Variants in DPH6 observed in about 807,000 individuals in gnomAD.
The protein encoded by DPH6 is diphthamine biosynthesis 6, also known as diphthine--ammonia ligase.
In DPH6, 33 loss-of-function variants were observed where a neutral mutation model predicts 38.2. The ratio of observed to expected loss-of-function variants is 0.86; its 90% CI spans 0.65 to 1.15. The LOEUF is 1.15. DPH6 is among the 50% of genes most tolerant of loss of function. DPH6 has a pLI of 0.00. For synonymous variants in DPH6, 108 were observed against 103.0 expected, an observed-to-expected ratio of 1.05 and a Z score of -0.30; for missense variants, 325 against 320.0, an observed-to-expected ratio of 1.02 and a Z score of -0.12.
intron 3 of DPH6, among the ~76,000 whole-genome samples, chr15:35,231,377 C>T (rs545468514): frequency 2.4e-4 from 37 of 152,316 alleles, no homozygotes; most frequent in African/African-American, 8.2e-4. Flanking sequence ...CTGCTGCTTC[C>T]GGGAAATGGA....
chr15:35,296,832 C>G (rs2052019181), intron 3 of DPH6, among the ~76,000 whole-genome samples: 1 of 91,460 alleles, frequency 1.1e-5, no homozygotes, highest in South Asian at 3.7e-4. Flanking sequence ...GAGTCTCGCT[C>G]TGTCGCCCAG....
At chr15:35,159,935 A>C in the DPH6 span, among the ~76,000 whole-genome samples, 5 of 152,054 alleles carry the variant, frequency 3.3e-5, 1 homozygote, top group Admixed American at 3.3e-4. Flanking sequence ...TATCCTAAGC[A>C]AACTAATGTA....
intron 3 of DPH6, among the ~76,000 whole-genome samples, chr15:35,276,539 T>C (rs1176188410): frequency 6.6e-6 from 1 of 152,224 alleles, no homozygotes; most frequent in African/African-American, 2.4e-5. Context: ...TTTTCTGATA[T>C]TGTCTTCTAG....
At chr15:35,327,189 T>G (rs1030017961), downstream of DPH6, among the ~76,000 whole-genome samples, 8 of 152,220 alleles carry the variant, frequency 5.3e-5, no homozygotes, top group South Asian at 4.1e-4. Context: ...ATGTGTAATG[T>G]TGCAAGCTTT....
At chr15:35,377,871 T>C (rs1186637110) in intron 7 of DPH6, among the ~76,000 whole-genome samples, 1 of 151,844 alleles carries the variant, frequency 6.6e-6, no homozygotes, top group Non-Finnish European at 1.5e-5. Flanking sequence ...TTGTTATTCA[T>C]ATTGTTTTTT....
chr15:35,195,674 T>A, the DPH6 span, among the ~76,000 whole-genome samples: 1 of 152,130 alleles, frequency 6.6e-6, no homozygotes, highest in South Asian at 2.1e-4. Context: ...AAAACTATCC[T>A]CCAGGTTGGT....
intron 3 of DPH6, among the ~76,000 whole-genome samples, chr15:35,341,813 C>A (rs183725418): frequency 6.6e-6 from 1 of 152,196 alleles, no homozygotes; most frequent in Admixed American, 6.5e-5. Context: ...CTGGAGATCC[C>A]TTTTGGGAGG....
chr15:35,231,312 T>A (rs1057067845), intron 3 of DPH6, among the ~76,000 whole-genome samples: 1 of 152,214 alleles, frequency 6.6e-6, no homozygotes, highest in African/African-American at 2.4e-5. Context: ...GTTCAATGCC[T>A]TACAATTGCT....
chr15:35,526,085 CA>C (rs988919777), intron 3 of DPH6, among the ~76,000 whole-genome samples: 7 of 152,096 alleles, frequency 4.6e-5, no homozygotes, highest in Middle Eastern at 3.2e-3. Flanking sequence ...AAATGGCTAT[CA>C]GGCCAATAAA....
chr15:35,177,745 G>C, the DPH6 span, among the ~76,000 whole-genome samples: 45 of 151,796 alleles, frequency 3.0e-4, no homozygotes, highest in South Asian at 9.0e-3. Flanking sequence ...TTCGAGACCA[G>C]CTTGACCAAC....
chr15:35,511,486 TA>T (rs2054770626), intron 3 of DPH6, among the ~76,000 whole-genome samples: 1 of 151,910 alleles, frequency 6.6e-6, no homozygotes, highest in African/African-American at 2.4e-5. Context: ...GGAAAAAGAA[TA>T]GGGGGAGAAT....
intron 3 of DPH6, among the ~76,000 whole-genome samples, chr15:35,460,691 A>G (rs2054054704): frequency 6.6e-6 from 1 of 152,216 alleles, no homozygotes; most frequent in Non-Finnish European, 1.5e-5. Context: ...GGACATTAAC[A>G]GATTCTTACA....
intron 3 of DPH6, among the ~76,000 whole-genome samples, chr15:35,249,524 G>A (rs898436552): frequency 7.2e-5 from 11 of 151,962 alleles, no homozygotes; most frequent in South Asian, 2.1e-4. Context: ...ATTCTATGTC[G>A]AATTCTTTAT....
intron 1 of DPH6, among the ~76,000 whole-genome samples, chr15:35,544,722 T>C (rs1055973597): frequency 1.8e-4 from 28 of 152,298 alleles, no homozygotes; most frequent in Admixed American, 1.8e-3. Context: ...ACATTGCTTT[T>C]TTAGCAAACT....
chr15:35,326,432 T>A (rs1259063696), downstream of DPH6, among the ~76,000 whole-genome samples: 1 of 150,726 alleles, frequency 6.6e-6, no homozygotes, highest in Non-Finnish European at 1.5e-5. Context: ...TTTTAAAATT[T>A]AAAAAGAATT....
At chr15:35,385,865 C>CT (rs1277023498) in intron 6 of DPH6, among the ~76,000 whole-genome samples, 1 of 151,462 alleles carries the variant, frequency 6.6e-6, no homozygotes, top group Non-Finnish European at 1.5e-5. Context: ...TATTATTATA[C>CT]TTTAAGTTTT....
At chr15:35,157,814 G>T in the DPH6 span, among the ~76,000 whole-genome samples, 2 of 151,876 alleles carry the variant, frequency 1.3e-5, no homozygotes. Context: ...AATGTTCTTC[G>T]TCACTCTCCT....
rs572709797 is a variant in DPH6, at chr15:35,239,523, C to T, written n.201-18941G>A. On this transcript the variant is annotated intron_variant and non_coding_transcript_variant, in intron 3 of 3. Coordinates refer to the DPH6 transcript ENST00000560386. Reference sequence around the variant, plus strand: ...GTCCTTCACCCTTAGCGGCAAGTCCCGCTTTTCTGGGGAAGGAGCAAGTAC... The same window carrying T: ...GTCCTTCACCCTTAGCGGCAAGTCCTGCTTTTCTGGGGAAGGAGCAAGTAC... 2.6e-3 allele frequency among the ~76,000 whole-genome samples: 373 copies of T among 143,884 alleles called. 52 individuals carry two copies. Among genetic ancestry groups the T allele is most frequent in the East Asian group, 5.9e-3 (27 of 4,568 alleles). The allele number at this position is 143,884 out of a possible 152,430, so 94.4% of individuals were successfully genotyped here.
intron 3 of DPH6, among the ~76,000 whole-genome samples, chr15:35,487,294 T>C (rs910317608): frequency 6.6e-6 from 1 of 152,238 alleles, no homozygotes; most frequent in Non-Finnish European, 1.5e-5. Context: ...CAACCCCACA[T>C]TTCCCCTCTG....
Sources: gnomAD v4.1 joint callset for allele counts (sites outside exome capture counted in the v4.1 genomes callset) on GRCh38, gnomAD v4.1.1 for gene constraint, MANE v1.5 for transcripts, NCBI Gene and HGNC (gene_info 2026-07-23, HGNC 2026-07-21) for gene names.